The following NLGN1 variants were observed in gnomAD, a reference collection of about 807,000 sequenced individuals.
NLGN1 encodes the protein neuroligin-1.
NLGN1 carries 12 observed loss-of-function variants against 65.5 expected under a neutral mutation model. That is an observed-to-expected ratio of 0.18 (90% CI 0.12 to 0.30). The LOEUF is 0.30. NLGN1 is among the 10% of genes least tolerant of loss of function. The pLI is 1.00. For missense variants in NLGN1, 750 were observed against 1,007.1 expected (o/e 0.74, Z 3.46); for synonymous variants, 350 against 359.5 (o/e 0.97, Z 0.30).
chr3:174,211,347 A>G (rs577416558), intron 4 of NLGN1, among the ~76,000 whole-genome samples: 2 of 152,192 alleles, frequency 1.3e-5, no homozygotes, highest in Non-Finnish European at 2.9e-5. Context: ...TGCGTTTACA[A>G]TCCCTGAGCT....
rs184654556 is a variant in NLGN1, at chr3:173,971,004, T to C, written c.646+163172T>C. Among the ~76,000 whole-genome samples the C allele has an allele frequency of 1.1e-3, 166 of 152,230 alleles. 1 individual carries two copies. Among genetic ancestry groups the C allele is most frequent in the Non-Finnish European group, 1.5e-3 (100 of 68,014 alleles). ...ATCCAATGGAATCCATACTAGTTTGTGAGCTGTCAGCAATGTTGTATGGAA... is the reference window on the plus strand; with the variant it reads ...ATCCAATGGAATCCATACTAGTTTGCGAGCTGTCAGCAATGTTGTATGGAA... On this transcript the variant is annotated intron_variant, in intron 4 of 6. Coordinates refer to ENST00000457714, the Ensembl canonical transcript of NLGN1.
rs760046306 is a variant in NLGN1, at chr3:174,279,348, T to C, written c.1347T>C (p.Pro449=). ...CTGACTGGGCTGACCGTCATAACCC[T>C]GAAACCAGAAGAAAGACATTACTGG... Residue 449 remains proline (P), a synonymous_variant, in exon 6 of 7, where the codon CCT becomes CCC. Transcript: ENST00000457714. This position sits in a 1 kb window ranked among gnomAD's most constrained non-coding sequence, Gnocchi z 4.7. 6.2e-7 allele frequency: 1 copy of C among 1,613,438 alleles called. No homozygotes were observed. The highest frequency in any genetic ancestry group is 1.7e-5 in the Admixed American group (1 of 59,928).
intron 4 of NLGN1, among the ~76,000 whole-genome samples, chr3:173,957,268 G>T (rs931939679): frequency 9.9e-5 from 15 of 151,962 alleles, no homozygotes; most frequent in Non-Finnish European, 1.6e-4. Context: ...TCTATATTAG[G>T]GCAAAAGGGC....
chr3:173,979,808 A>T (rs958013191), intron 4 of NLGN1, among the ~76,000 whole-genome samples: 2 of 152,226 alleles, frequency 1.3e-5, no homozygotes, highest in East Asian at 1.9e-4. Flanking sequence ...ATGTATCCAG[A>T]TGAGTAGATT....
intron 2 of NLGN1, among the ~76,000 whole-genome samples, chr3:173,447,158 G>A (rs1034518492): frequency 1.3e-5 from 2 of 152,174 alleles, no homozygotes; most frequent in African/African-American, 4.8e-5. Flanking sequence ...GTCCTGAATG[G>A]TAATGTCTAG....
In NLGN1 at chr3:173,643,515, A is replaced by G. The variant is rs1291244414; in HGVS notation, c.493+38424A>G. 2.0e-5 allele frequency among the ~76,000 whole-genome samples: 3 copies of G among 152,330 alleles called. No individual in the cohort carries two copies. In the East Asian group the frequency reaches 5.8e-4, roughly 29 times the overall value. ...AATGTAAGTGAAAATAAGGGTGAGC[A>G]AAGTACTTCAAAGTACAGTACTTTC... is the stretch of plus-strand genomic sequence containing the variant. On this transcript the variant is annotated intron_variant, in intron 3 of 6. Coordinates refer to ENST00000457714, the Ensembl canonical transcript of NLGN1.
At chr3:174,031,193 G>A (rs1294424487) in intron 4 of NLGN1, among the ~76,000 whole-genome samples, 3 of 152,076 alleles carry the variant, frequency 2.0e-5, no homozygotes, top group East Asian at 1.9e-4. Flanking sequence ...CACAACCAGG[G>A]CCAACTCTCC....
intron 4 of NLGN1, among the ~76,000 whole-genome samples, chr3:174,140,676 C>T (rs1722121035): frequency 6.6e-6 from 1 of 152,150 alleles, no homozygotes. Flanking sequence ...CCTTCTGGAA[C>T]ATTAAAATTC....
intron 3 of NLGN1, among the ~76,000 whole-genome samples, chr3:173,771,328 A>T (rs902368125): frequency 9.2e-5 from 14 of 152,202 alleles, no homozygotes; most frequent in African/African-American, 3.4e-4. Context: ...GAAAATAAGG[A>T]ACTGTATTAT....
At chr3:174,075,705 C>T (rs769120347) in intron 4 of NLGN1, among the ~76,000 whole-genome samples, 9 of 152,006 alleles carry the variant, frequency 5.9e-5, no homozygotes, top group Non-Finnish European at 7.4e-5. Context: ...ATTCCAGATA[C>T]TTATGTTTCA....
At chr3:173,545,425 T>C (rs2037406387) in intron 2 of NLGN1, among the ~76,000 whole-genome samples, 1 of 151,826 alleles carries the variant, frequency 6.6e-6, no homozygotes, top group Non-Finnish European at 1.5e-5. Flanking sequence ...AAGGCAGAAA[T>C]AGAAAAAAAT....
intron 4 of NLGN1, among the ~76,000 whole-genome samples, chr3:174,152,495 G>A (rs1724564826): frequency 6.6e-6 from 1 of 152,046 alleles, no homozygotes; most frequent in Admixed American, 6.6e-5. Flanking sequence ...AGGGCGTGTT[G>A]TGGGGTCAGG....
chr3:173,904,632 A>G (rs1457336237), intron 4 of NLGN1, among the ~76,000 whole-genome samples: 2 of 152,096 alleles, frequency 1.3e-5, no homozygotes, highest in Non-Finnish European at 2.9e-5. Context: ...TGAGAGAAAT[A>G]TCCATCCTAA....
chr3:173,985,571 C>T (rs79854330), intron 4 of NLGN1, among the ~76,000 whole-genome samples: 3,025 of 152,184 alleles, frequency 0.02, 94 homozygotes, highest in African/African-American at 0.064. Context: ...ACAATATTGC[C>T]GTACATCAGG....
intron 2 of NLGN1, among the ~76,000 whole-genome samples, chr3:173,489,676 C>G (rs559529612): frequency 3.0e-3 from 452 of 150,340 alleles, no homozygotes; most frequent in African/African-American, 0.011. Flanking sequence ...TTCCACAATG[C>G]TTGAACCAGT....
chr3:174,154,964 A>T (rs1475306809), intron 4 of NLGN1, among the ~76,000 whole-genome samples: 4 of 139,860 alleles, frequency 2.9e-5, no homozygotes, highest in Admixed American at 7.5e-5. Flanking sequence ...TATAATATAT[A>T]ATTATATATA....
intron 3 of NLGN1, among the ~76,000 whole-genome samples, chr3:173,726,036 G>A (rs187715540): frequency 9.9e-5 from 15 of 152,136 alleles, no homozygotes; most frequent in Admixed American, 2.0e-4. Context: ...AATTATAATA[G>A]GGATGACAAC....
At chr3:174,254,170 T>A (rs1745246050) in intron 4 of NLGN1, among the ~76,000 whole-genome samples, 1 of 152,164 alleles carries the variant, frequency 6.6e-6, no homozygotes, top group African/African-American at 2.4e-5. Flanking sequence ...TCAGGATATT[T>A]CAGTTCCTTG....
In NLGN1 at chr3:174,115,654, G is replaced by A. The variant is rs528498972; in HGVS notation, c.647-159661G>A. Among the ~76,000 whole-genome samples, 8 of 152,266 alleles carry A rather than the reference G, an allele frequency of 5.3e-5. No individual in the cohort carries two copies. The South Asian group carries it at 6.2e-4, about 12-fold the overall frequency. The stretch of plus-strand genomic sequence containing the variant: ...CTGGGAAGAGGTGACAAGGGAGAGC[G>A]TGTTAGTTATCCAAAAGACTATGTA... On this transcript the variant is annotated intron_variant, in intron 4 of 6. Transcript: ENST00000457714.
Sources: gnomAD v4.1 joint callset for allele counts (sites outside exome capture counted in the v4.1 genomes callset) on GRCh38, gnomAD v4.1.1 for gene constraint, Gnocchi (gnomAD v3.1) non-coding constraint, MANE v1.5 for transcripts, NCBI Gene and HGNC (gene_info 2026-07-23, HGNC 2026-07-21) for gene names.